Variants in ARID1B observed in about 807,000 individuals in gnomAD.
ARID1B encodes the protein AT-rich interactive domain-containing protein 1B.
ARID1B carries 30 observed loss-of-function variants against 212.3 expected under a neutral mutation model. The observed-to-expected ratio is 0.14, with a 90% CI of 0.11 to 0.19. The LOEUF is 0.19. ARID1B is among the 10% of genes least tolerant of loss of function. ARID1B has a pLI of 1.00. For missense variants in ARID1B, 2,891 were observed against 3,204.0 expected, an observed-to-expected ratio of 0.90 and a Z score of 2.36; for synonymous variants, 1,402 against 1,301.7, an observed-to-expected ratio of 1.08 and a Z score of -1.66.
rs1180357163 is a variant in ARID1B at position 156,778,825 on chromosome 6, C to T, written c.1145C>T (p.Pro382Leu). The change falls in exon 1 of 20, where the codon CCG becomes CTG. Residue 382 changes from proline to leucine, a missense_variant. By Grantham distance (98) the Pro-to-Leu change is moderately conservative. Transcript: ENST00000636930. Reference protein sequence around the residue: ...GYPNSQCNHYPGYSRPGAGGG... With the variant: ...GYPNSQCNHYLGYSRPGAGGG... ...CCCAACAGCCAGTGCAACCATTATC[C>T]GGGCTACAGCCGGCCCGGCGCGGGC... 6.9e-7 allele frequency: 1 copy of T among 1,442,426 alleles called. No homozygotes were observed. Among genetic ancestry groups the T allele is most frequent in the African/African-American group, 1.5e-5 (1 of 65,680 alleles). The allele number at this position is 1,442,426 out of a possible 1,614,324, so 89.4% of individuals were successfully genotyped here.
chr6:156,838,510 G>C (rs1306726201), intron 2 of ARID1B, among the ~76,000 whole-genome samples: 2 of 152,094 alleles, frequency 1.3e-5, no homozygotes, highest in Non-Finnish European at 2.9e-5. Context: ...GATAGCGAGA[G>C]CGTACCTGAA....
rs537403137 is a variant in ARID1B, at chr6:156,864,604, C to T, written c.1986+35183C>T. Among the ~76,000 whole-genome samples, 3 of 152,356 alleles carry T rather than the reference C, an allele frequency of 2.0e-5. No individual in the cohort carries two copies. The East Asian group carries it at 5.8e-4, about 29-fold the overall frequency. ...CCGCCTTAGCCCATGCCCACGTCCC[C>T]AGAGGCGTCCACTTTCAACCCTTGT... On this transcript the variant is annotated intron_variant, in intron 2 of 19. Transcript: ENST00000636930.
At position 157,084,665 on chromosome 6, in the gene ARID1B, C is replaced by T. The variant is rs2128462051; in HGVS notation, c.2251C>T (p.Leu751=). The change falls in exon 5 of 20, where the codon CTG becomes TTG. Residue 751 remains leucine, a synonymous_variant. Transcript: ENST00000636930. ...QQERPSSLPD[L]SGSIDDLPTG... is the part of the protein sequence containing the mutation. ...AATACATCTTTTCCTTTCTTAGGATCTGTCTGGCTCCATTGATGACCTCCC... is the reference window on the plus strand; with the variant it reads ...AATACATCTTTTCCTTTCTTAGGATTTGTCTGGCTCCATTGATGACCTCCC... The T allele has an allele frequency of 6.2e-7, 1 of 1,613,864 alleles. No homozygotes were observed. The highest frequency in any genetic ancestry group is 1.3e-5 in the African/African-American group (1 of 75,036).
At chr6:156,886,227 T>A (rs1484157609) in intron 2 of ARID1B, among the ~76,000 whole-genome samples, 1 of 152,194 alleles carries the variant, frequency 6.6e-6, no homozygotes, top group Non-Finnish European at 1.5e-5. Flanking sequence ...AATTTTGTTC[T>A]TGTCGCCCAG....
intron 2 of ARID1B, among the ~76,000 whole-genome samples, chr6:156,900,731 A>G (rs1342465469): frequency 1.3e-5 from 2 of 152,244 alleles, no homozygotes; most frequent in African/African-American, 2.4e-5. Flanking sequence ...GATGTAAATT[A>G]GAGATGGAGA....
At chr6:157,071,654 C>T (rs952740645) in intron 4 of ARID1B, 1 of 152,160 alleles carries the variant, frequency 6.6e-6, no homozygotes, top group Non-Finnish European at 1.5e-5. Flanking sequence ...ATAATTGGTC[C>T]TATTCCACAA....
At chr6:156,880,760 A>AGG (rs1186151735) in intron 2 of ARID1B, among the ~76,000 whole-genome samples, 235 of 96,592 alleles carry the variant, frequency 2.4e-3, no homozygotes, top group African/African-American at 9.6e-3. Flanking sequence ...AAAAAAAAAA[A>AGG]AAAAGAAAAG....
At chr6:156,918,392 A>G (rs1179881488) in intron 3 of ARID1B, among the ~76,000 whole-genome samples, 1 of 152,208 alleles carries the variant, frequency 6.6e-6, no homozygotes, top group Non-Finnish European at 1.5e-5. Flanking sequence ...CATTTCACTT[A>G]TTTTAAGATT....
At chr6:156,971,642 G>A (rs1262909316) in intron 4 of ARID1B, among the ~76,000 whole-genome samples, 1 of 152,144 alleles carries the variant, frequency 6.6e-6, no homozygotes, top group Non-Finnish European at 1.5e-5. Flanking sequence ...ATATCGGGGT[G>A]TCAGCCGGGG....
At chr6:156,823,175 C>A (rs1274593809) in intron 1 of ARID1B, among the ~76,000 whole-genome samples, 1 of 152,004 alleles carries the variant, frequency 6.6e-6, no homozygotes, top group African/African-American at 2.4e-5. Context: ...TGTGTTACGG[C>A]CGGGCCATGG....
At chr6:157,113,588 G>A (rs1473927676) in intron 6 of ARID1B, among the ~76,000 whole-genome samples, 1 of 152,168 alleles carries the variant, frequency 6.6e-6, no homozygotes, top group Non-Finnish European at 1.5e-5. Context: ...GAGTTCTCAT[G>A]AGGTAGCACT....
intron 4 of ARID1B, among the ~76,000 whole-genome samples, chr6:157,031,632 T>C (rs906073846): frequency 6.6e-6 from 1 of 152,182 alleles, no homozygotes; most frequent in East Asian, 1.9e-4. Context: ...AGGTATGATA[T>C]CTATAATCAC....
At chr6:156,872,380 G>T (rs1424326807) in intron 2 of ARID1B, among the ~76,000 whole-genome samples, 1 of 152,178 alleles carries the variant, frequency 6.6e-6, no homozygotes, top group Admixed American at 6.5e-5. Context: ...GGAGTGCAAT[G>T]GTGCGATCTT....
intron 4 of ARID1B, among the ~76,000 whole-genome samples, chr6:157,037,510 AAGG>A (rs1242259790): frequency 1.3e-5 from 2 of 152,178 alleles, no homozygotes; most frequent in African/African-American, 4.8e-5. Context: ...TGAGGCAAGA[AAGG>A]AGGGCAGGAG....
At position 157,189,744 on chromosome 6, in the gene ARID1B, C is replaced by T. The variant is rs1473976074; in HGVS notation, c.4022C>T (p.Thr1341Ile). ...GDLKPPTPAS[T>I]PHGQMTPMQG... ...CTGAAGCCACCTACCCCAGCCTCCA[C>T]CCCTCACGGCCAGATGACTCCAATG... The change falls in exon 14 of 20, where the codon ACC becomes ATC. Residue 1341 changes from threonine (T) to isoleucine (I), a missense_variant. Physicochemically the swap from Thr to Ile is moderately conservative, Grantham distance 89. Coordinates refer to ENST00000636930, the MANE Select transcript of ARID1B (RefSeq NM_001374828.1). The T allele has an allele frequency of 1.2e-6, 2 of 1,613,936 alleles. No individual in the cohort carries two copies. The highest frequency in any genetic ancestry group is 1.1e-5 in the South Asian group (1 of 91,064).
intron 4 of ARID1B, among the ~76,000 whole-genome samples, chr6:157,039,568 C>T (rs1388514605): frequency 6.6e-6 from 1 of 151,960 alleles, no homozygotes; most frequent in East Asian, 1.9e-4. Flanking sequence ...TTTACTGCTT[C>T]ATTATCTGGA....
rs766902947 is a variant in ARID1B at position 157,184,375 on chromosome 6, C to T, written c.3859C>T (p.Pro1287Ser). The T allele has an allele frequency of 2.5e-6, 4 of 1,614,172 alleles. No individual in the cohort carries two copies. In the South Asian group the frequency reaches 4.4e-5, roughly 18 times the overall value. Reference protein sequence around the residue: ...CKIERGEEPPPEVFSTGDTKK... With the variant: ...CKIERGEEPPSEVFSTGDTKK... ...GATCGAACGTGGGGAGGAGCCCCCGCCGGAAGTCTTCAGCACCGGGGACAC... is the reference window on the plus strand; with the variant it reads ...GATCGAACGTGGGGAGGAGCCCCCGTCGGAAGTCTTCAGCACCGGGGACAC... The change falls in exon 13 of 20, where the codon CCG (proline) becomes TCG (serine). Residue 1287 changes from proline to serine, a missense_variant. By Grantham distance (74) the Pro-to-Ser change is moderately conservative. Transcript: ENST00000636930.
chr6:156,810,620 T>C (rs1337227709), intron 1 of ARID1B, among the ~76,000 whole-genome samples: 2 of 152,310 alleles, frequency 1.3e-5, no homozygotes, highest in African/African-American at 4.8e-5. Flanking sequence ...CTCTTGATCA[T>C]TTTCATTTTG....
intron 4 of ARID1B, among the ~76,000 whole-genome samples, chr6:157,011,038 T>A (rs10457938): frequency 2.6e-4 from 40 of 152,324 alleles, no homozygotes; most frequent in African/African-American, 8.9e-4. Context: ...GTGTGTTTTT[T>A]AAGTTTTTTT....
Sources: allele counts gnomAD v4.1 joint callset (sites outside exome capture counted in the v4.1 genomes callset), GRCh38; gene constraint gnomAD v4.1.1; transcripts MANE v1.5; gene names NCBI Gene and HGNC (gene_info 2026-07-23, HGNC 2026-07-21).